ABHD6: variants seen among roughly 807,000 people sequenced by gnomAD.
The protein encoded by ABHD6 is monoacylglycerol lipase ABHD6.
ABHD6 carries 33 observed loss-of-function variants against 38.8 expected under a neutral mutation model. That is an observed-to-expected ratio of 0.85 (90% confidence interval 0.64 to 1.14). ABHD6 has a LOEUF of 1.14. Ranked by LOEUF, ABHD6 falls within the 50% of genes most tolerant of loss-of-function variation. The pLI, the probability that ABHD6 is intolerant of heterozygous loss-of-function variation, is 0.00. For missense variants in ABHD6, 380 were observed against 422.6 expected, an observed-to-expected ratio of 0.90 and a Z score of 0.88; for synonymous variants, 147 against 161.6, an observed-to-expected ratio of 0.91 and a Z score of 0.69.
At chr3:58,292,910 C>CT (rs1227502679) in intron 9 of ABHD6, among the ~76,000 whole-genome samples, 1 of 152,110 alleles carries the variant, frequency 6.6e-6, no homozygotes, top group East Asian at 1.9e-4. Context: ...AGTGAAACTC[C>CT]TTTTCAACAA....
In ABHD6 at chr3:58,257,760, A is replaced by C. The variant is rs1275800253; in HGVS notation, c.119+1055A>C. 6.6e-6 allele frequency among the ~76,000 whole-genome samples: 1 copy of C among 152,218 alleles called. No individual in the cohort carries two copies. Among genetic ancestry groups the C allele is most frequent in the Non-Finnish European group, 1.5e-5 (1 of 68,042 alleles). On this transcript the variant is annotated intron_variant, in intron 3 of 9. Transcript: ENST00000478253. This position sits in a 1 kb window ranked among gnomAD's most constrained non-coding sequence, Gnocchi z 4.8. Reference sequence around the variant, plus strand: ...CCAGAACCATTGAGATGGCATGTTTAGGACAGAATGCTTTTAGAGTTGTTC... The same window carrying C: ...CCAGAACCATTGAGATGGCATGTTTCGGACAGAATGCTTTTAGAGTTGTTC...
intron 4 of ABHD6, among the ~76,000 whole-genome samples, chr3:58,268,805 GATA>G (rs2097442781): frequency 6.6e-6 from 1 of 152,198 alleles, no homozygotes; most frequent in Admixed American, 6.5e-5. Flanking sequence ...GGTGTTTTAG[GATA>G]ATAATAATTT....
At position 58,251,580 on chromosome 3, in the gene ABHD6, T is replaced by C. The variant is rs1402408569; in HGVS notation, c.-26+1638T>C. The stretch of plus-strand genomic sequence containing the variant: ...TAATGTTTATCTGGATCCACTGACA[T>C]GTCCCCTATCCAATTAATCTTTGCC... On this transcript the variant is annotated intron_variant, in intron 2 of 9. Coordinates refer to ENST00000478253, the MANE Select transcript of ABHD6 (RefSeq NM_001320126.2). The surrounding 1 kb of genome is among the most constrained non-coding windows in gnomAD (Gnocchi z 5.4). Among the ~76,000 whole-genome samples, 1 of 152,192 alleles carries C rather than the reference T, an allele frequency of 6.6e-6. No individual in the cohort carries two copies. Among genetic ancestry groups the C allele is most frequent in the Non-Finnish European group, 1.5e-5 (1 of 68,026 alleles).
chr3:58,255,579 T>C (rs2037126), intron 2 of ABHD6, among the ~76,000 whole-genome samples: 111,549 of 151,758 alleles, frequency 0.74, 42,199 homozygotes, highest in East Asian at 1. Context: ...CCCACCTTGG[T>C]CTCCCAAAGT....
intron 9 of ABHD6, among the ~76,000 whole-genome samples, chr3:58,291,163 G>T (rs1156543055): frequency 6.7e-6 from 1 of 149,400 alleles, no homozygotes; most frequent in Non-Finnish European, 1.5e-5. Flanking sequence ...GATCACTCGC[G>T]GTTAGGAGCT....
rs980402678 is a variant in ABHD6 at position 58,238,847 on chromosome 3, C to G, written c.-91+931C>G. On this transcript the variant is annotated intron_variant, in intron 1 of 9. Transcript: ENST00000478253. This position sits in a 1 kb window ranked among gnomAD's most constrained non-coding sequence, Gnocchi z 6.9. ...TCGCCGCCCCCCTCCCCGCTGCTCC[C>G]GCCTGCTCAGAAATCCCTAGTGGCT... is the stretch of plus-strand genomic sequence containing the variant. 1.3e-5 allele frequency among the ~76,000 whole-genome samples: 2 copies of G among 152,126 alleles called. No homozygotes were observed. The highest frequency in any genetic ancestry group is 2.9e-5 in the Non-Finnish European group (2 of 68,008).
Position 58,287,914 on chromosome 3 carries a change from A to G in ABHD6, c.837+2461A>G, listed in dbSNP as rs189178690. On this transcript the variant is annotated intron_variant, in intron 9 of 9. Transcript: ENST00000478253. This position sits in a 1 kb window ranked among gnomAD's most constrained non-coding sequence, Gnocchi z 4.7. ...TTGAGGCTCAAATGAAATAATATGT[A>G]TGAAAATGATCTTCCAGTTGCAAAA... 1.0e-3 allele frequency among the ~76,000 whole-genome samples: 157 copies of G among 152,332 alleles called. 1 individual carries two copies. The highest frequency in any genetic ancestry group is 1.1e-3 in the Non-Finnish European group (75 of 68,026).
chr3:58,241,691 C>T (rs1046405546), intron 1 of ABHD6, among the ~76,000 whole-genome samples: 3 of 152,134 alleles, frequency 2.0e-5, no homozygotes, highest in East Asian at 1.9e-4. Flanking sequence ...GCAATGCAGA[C>T]CCTGCCCAGA....
rs1165841594 is a variant in ABHD6, at chr3:58,251,920, T to G, written c.-26+1978T>G. ...ACTCTATTAGGAAAGAAGATTCTTG[T>G]GGGAGCAAGCCAAATCCTACTCTTT... On this transcript the variant is annotated intron_variant, in intron 2 of 9. Coordinates refer to ENST00000478253, the MANE Select transcript of ABHD6 (RefSeq NM_001320126.2). The surrounding 1 kb of genome is among the most constrained non-coding windows in gnomAD (Gnocchi z 5.4). Among the ~76,000 whole-genome samples the G allele has an allele frequency of 6.6e-6, 1 of 152,220 alleles. No individual in the cohort carries two copies. Among genetic ancestry groups the G allele is most frequent in the East Asian group, 1.9e-4 (1 of 5,198 alleles).
intron 7 of ABHD6, among the ~76,000 whole-genome samples, chr3:58,283,214 A>G (rs991322226): frequency 1.3e-5 from 2 of 152,312 alleles, no homozygotes; most frequent in East Asian, 1.9e-4. Context: ...CTTTTTAGCC[A>G]TGAAGTAGCA....
Position 58,285,330 on chromosome 3 carries a change from C to T in ABHD6, c.737-23C>T. 1.2e-6 allele frequency: 2 copies of T among 1,610,764 alleles called. No individual in the cohort carries two copies. Among genetic ancestry groups the T allele is most frequent in the Non-Finnish European group, 1.7e-6 (2 of 1,176,908 alleles). On this transcript the variant is annotated intron_variant, in intron 8 of 9. Transcript: ENST00000478253. This position sits in a 1 kb window ranked among gnomAD's most constrained non-coding sequence, Gnocchi z 4.9. Reference sequence around the variant, plus strand: ...ACAGGCACAGTCCAGCACATACTCACTTTGTTTTCCTTTTCTGACAAGTGT... The same window carrying T: ...ACAGGCACAGTCCAGCACATACTCATTTTGTTTTCCTTTTCTGACAAGTGT...
At chr3:58,254,569 G>A (rs2097431978) in intron 2 of ABHD6, among the ~76,000 whole-genome samples, 1 of 152,112 alleles carries the variant, frequency 6.6e-6, no homozygotes, top group Admixed American at 6.6e-5. Flanking sequence ...GTCGATAGAG[G>A]CATATGGGAG....
chr3:58,268,931 G>T (rs187290489), intron 4 of ABHD6, among the ~76,000 whole-genome samples: 5 of 152,302 alleles, frequency 3.3e-5, no homozygotes, highest in African/African-American at 1.2e-4. Context: ...GCTAGGATAT[G>T]AGAGAACAGA....
chr3:58,258,375 T>C (rs567397500), intron 3 of ABHD6: 1 of 442,442 alleles, frequency 2.3e-6, no homozygotes, highest in African/African-American at 2.0e-5. Context: ...TCTTATTAAA[T>C]TGTATCTCCT....
At chr3:58,291,610 A>T (rs1300382421) in intron 9 of ABHD6, among the ~76,000 whole-genome samples, 1 of 152,166 alleles carries the variant, frequency 6.6e-6, no homozygotes, top group Non-Finnish European at 1.5e-5. Flanking sequence ...GAAATCGCTG[A>T]AATGGTTCCC....
chr3:58,277,910 A>G (rs1334829505), intron 7 of ABHD6, among the ~76,000 whole-genome samples: 1 of 152,162 alleles, frequency 6.6e-6, no homozygotes, highest in Admixed American at 6.5e-5. Flanking sequence ...GATGGATTAC[A>G]TTTATTGATT....
intron 7 of ABHD6, among the ~76,000 whole-genome samples, chr3:58,282,828 T>G (rs2097454339): frequency 6.6e-6 from 1 of 152,208 alleles, no homozygotes; most frequent in African/African-American, 2.4e-5. Context: ...CCATTTTTCA[T>G]GTGTTAAGTT....
chr3:58,243,436 TG>T (rs1227508843), intron 1 of ABHD6, among the ~76,000 whole-genome samples: 1 of 152,078 alleles, frequency 6.6e-6, no homozygotes, highest in Non-Finnish European at 1.5e-5. Context: ...TAGAGATTAC[TG>T]GGGGATTGAG....
rs986385441 is a variant in ABHD6, at chr3:58,259,089, G to A, written c.119+2384G>A. 1.3e-5 allele frequency among the ~76,000 whole-genome samples: 2 copies of A among 152,086 alleles called. No individual in the cohort carries two copies. Among genetic ancestry groups the A allele is most frequent in the Non-Finnish European group, 1.5e-5 (1 of 68,034 alleles). ...CACACAAAACGCCGTTTTTATTAACGACATGAAATTGAAGGAGAGAACACA... is the reference window on the plus strand; with the variant it reads ...CACACAAAACGCCGTTTTTATTAACAACATGAAATTGAAGGAGAGAACACA... On this transcript the variant is annotated intron_variant, in intron 3 of 9. Coordinates refer to ENST00000478253, the MANE Select transcript of ABHD6 (RefSeq NM_001320126.2). The surrounding 1 kb of genome is among the most constrained non-coding windows in gnomAD (Gnocchi z 4.7).
Sources: allele counts gnomAD v4.1 joint callset (sites outside exome capture counted in the v4.1 genomes callset), GRCh38; gene constraint gnomAD v4.1.1; non-coding constraint Gnocchi (gnomAD v3.1); transcripts MANE v1.5; gene names NCBI Gene and HGNC (gene_info 2026-07-23, HGNC 2026-07-21).